The following DRD3 variants were observed in gnomAD, a reference collection of about 807,000 sequenced individuals.
DRD3 encodes dopamine receptor D3.
DRD3 carries 19 observed loss-of-function variants against 36.3 expected under a neutral mutation model. The ratio of observed to expected loss-of-function variants is 0.52; its 90% CI spans 0.36 to 0.77. The LOEUF (loss-of-function observed/expected upper bound fraction) is 0.77. Ranked by LOEUF, DRD3 falls within the 30% of genes least tolerant of loss-of-function variation. The probability of loss-of-function intolerance (pLI) is 0.00; values close to 1 mark genes in which losing one functional copy is unlikely to be tolerated. For synonymous variants in DRD3, 195 were observed against 203.7 expected (o/e 0.96, Z 0.36); for missense variants, 465 against 505.3 (o/e 0.92, Z 0.77).
intron 1 of DRD3, among the ~76,000 whole-genome samples, chr3:114,189,111 T>G (rs1342556643): frequency 6.6e-6 from 1 of 152,244 alleles, no homozygotes; most frequent in Admixed American, 6.5e-5. Context: ...ATAAATAATA[T>G]TTGTACACAT....
intron 4 of DRD3, among the ~76,000 whole-genome samples, chr3:114,142,808 T>A (rs563501225): frequency 6.6e-6 from 1 of 152,328 alleles, no homozygotes; most frequent in African/African-American, 2.4e-5. Flanking sequence ...TCACATATAA[T>A]CACAGAACCT....
chr3:114,181,761 T>C (rs116213252), upstream of DRD3, among the ~76,000 whole-genome samples: 1,379 of 152,250 alleles, frequency 9.1e-3, 26 homozygotes, highest in African/African-American at 0.031. Context: ...TACTCAGTGA[T>C]TTTGTTTGAA....
intron 1 of DRD3, among the ~76,000 whole-genome samples, chr3:114,197,562 G>A (rs892043463): frequency 1.4e-4 from 22 of 151,736 alleles, no homozygotes; most frequent in African/African-American, 5.1e-4. Flanking sequence ...TCTTCTAAAA[G>A]TTTAGTATTA....
At chr3:114,148,648 T>C (rs550033627) in intron 3 of DRD3, among the ~76,000 whole-genome samples, 67 of 152,292 alleles carry the variant, frequency 4.4e-4, no homozygotes, top group African/African-American at 1.5e-3. Context: ...CTTGAAGACA[T>C]CCAGACCCAG....
intron 2 of DRD3, among the ~76,000 whole-genome samples, chr3:114,168,792 C>A (rs555873142): frequency 3.3e-5 from 5 of 152,346 alleles, no homozygotes; most frequent in Admixed American, 3.3e-4. Context: ...TGCAGTTAAA[C>A]CACAACTAAT....
chr3:114,130,321 A>G (rs925516049), intron 6 of DRD3, among the ~76,000 whole-genome samples: 6 of 152,128 alleles, frequency 3.9e-5, no homozygotes, highest in Non-Finnish European at 8.8e-5. Flanking sequence ...AAATACAGAC[A>G]AGTAGGAAAA....
chr3:114,195,694 C>T (rs187076122), intron 1 of DRD3, among the ~76,000 whole-genome samples: 66 of 152,046 alleles, frequency 4.3e-4, no homozygotes, highest in African/African-American at 1.6e-3. Context: ...CAGTATATTG[C>T]CATTTTGAAT....
Position 114,168,623 on chromosome 3 carries a change from G to A in DRD3, c.270+3100C>T, listed in dbSNP as rs1193055610. Among the ~76,000 whole-genome samples, 3 of 151,832 alleles carry A rather than the reference G, an allele frequency of 2.0e-5. No homozygotes were observed. The East Asian group carries it at 5.8e-4, about 29-fold the overall frequency. On this transcript the variant is annotated intron_variant, in intron 2 of 6. Coordinates refer to ENST00000383673, the MANE Select transcript of DRD3 (RefSeq NM_000796.6). Reference sequence around the variant, plus strand: ...CCATCCTATTTTTGAATACTGCCATGGTGCTGGGGGCTATGGCAAGATAAA... The same window carrying A: ...CCATCCTATTTTTGAATACTGCCATAGTGCTGGGGGCTATGGCAAGATAAA...
chr3:114,199,388 G>A (rs2078053097), exon 1 of DRD3: 1 of 152,328 alleles, frequency 6.6e-6, no homozygotes, highest in Non-Finnish European at 1.5e-5. Context: ...GCAAGAGGAG[G>A]TTGAACTTGC....
At chr3:114,179,563 A>G (rs2077934031), upstream of DRD3, among the ~76,000 whole-genome samples, 1 of 152,210 alleles carries the variant, frequency 6.6e-6, no homozygotes, top group African/African-American at 2.4e-5. Context: ...CTAAAGTGAG[A>G]TGCAACCAAG....
intron 1 of DRD3, among the ~76,000 whole-genome samples, chr3:114,176,920 A>G (rs1381531038): frequency 6.6e-6 from 1 of 152,188 alleles, no homozygotes. Flanking sequence ...TTATCCTATC[A>G]AGTTTTCTAG....
At chr3:114,162,698 G>A (rs985670340) in intron 2 of DRD3, among the ~76,000 whole-genome samples, 4 of 152,174 alleles carry the variant, frequency 2.6e-5, no homozygotes, top group African/African-American at 9.7e-5. Context: ...CAAGGTCACA[G>A]GGCTAGTACA....
chr3:114,139,836 T>TATA, intron 4 of DRD3, 140 bp from the exon 5 acceptor site: 1 of 704,420 alleles, frequency 1.4e-6, no homozygotes, highest in South Asian at 2.1e-5. Flanking sequence ...CTCAGATACG[T>TATA]ATACTGTCAG....
chr3:114,193,089 C>T (rs889456380), intron 1 of DRD3, among the ~76,000 whole-genome samples: 3 of 151,962 alleles, frequency 2.0e-5, no homozygotes, highest in African/African-American at 7.2e-5. Flanking sequence ...ACCATCCTGG[C>T]TAACACGGTG....
intron 4 of DRD3, among the ~76,000 whole-genome samples, chr3:114,144,310 A>G (rs2077552455): frequency 1.3e-5 from 2 of 152,214 alleles, no homozygotes; most frequent in Non-Finnish European, 2.9e-5. Context: ...TTTGTGTTGC[A>G]CTTATTAGTG....
At position 114,194,717 on chromosome 3, in the gene DRD3, G is replaced by A. The variant is rs74992019; in HGVS notation, c.-156+4556C>T. 9.9e-5 allele frequency among the ~76,000 whole-genome samples: 15 copies of A among 152,200 alleles called. No homozygotes were observed. The South Asian group carries it at 1.7e-3, about 17-fold the overall frequency. On this transcript the variant is annotated intron_variant, in intron 1 of 7. Coordinates refer to the DRD3 transcript ENST00000460779. The stretch of plus-strand genomic sequence containing the variant: ...TGTGATGAACTTGGACTTGCTACCC[G>A]CCTTTTTCTGTTACTCTGAAGGCAA...
chr3:114,128,614 T>A lies in DRD3; in HGVS notation c.*102A>T. 1 of 1,211,726 alleles carries A rather than the reference T, an allele frequency of 8.3e-7. No homozygotes were observed. The highest frequency in any genetic ancestry group is 2.6e-5 in the East Asian group (1 of 38,924). 75.1% of individuals were successfully genotyped at this position (1,211,726 alleles called of 1,614,324 possible). Reference sequence around the variant, plus strand: ...CAGGGACATCCTGGCTCCAGGAATCTTCTTCCTACTGCATGCCGGAGGACA... The same window carrying A: ...CAGGGACATCCTGGCTCCAGGAATCATCTTCCTACTGCATGCCGGAGGACA... On this transcript the variant is annotated 3_prime_UTR_variant, in exon 7 of 7. Transcript: ENST00000383673.
chr3:114,165,424 C>A (rs1223717082), intron 2 of DRD3, among the ~76,000 whole-genome samples: 2 of 151,662 alleles, frequency 1.3e-5, no homozygotes, highest in South Asian at 4.2e-4. Context: ...GAGTGAGACT[C>A]CATTTCAAAA....
chr3:114,145,733 A>G (rs1169819602), intron 4 of DRD3, among the ~76,000 whole-genome samples: 2 of 152,246 alleles, frequency 1.3e-5, no homozygotes, highest in African/African-American at 4.8e-5. Flanking sequence ...AATCACATGT[A>G]AAGATATACA....
Sources: gnomAD v4.1 joint callset for allele counts (sites outside exome capture counted in the v4.1 genomes callset) on GRCh38, gnomAD v4.1.1 for gene constraint, MANE v1.5 for transcripts, NCBI Gene and HGNC (gene_info 2026-07-23, HGNC 2026-07-21) for gene names.